Variants in DGKI observed in about 807,000 individuals in gnomAD.
DGKI encodes the protein DAG kinase iota.
A neutral mutation model predicts 147.5 loss-of-function variants in DGKI; 55 were observed. That is an observed-to-expected ratio of 0.37 (90% confidence interval 0.30 to 0.47). The LOEUF (loss-of-function observed/expected upper bound fraction) is 0.47, where lower values mean the gene tolerates loss of function less well. Ranked by LOEUF, DGKI falls within the 20% of genes least tolerant of loss-of-function variation. The pLI is 1.00. For synonymous variants in DGKI, 469 were observed against 477.1 expected, an observed-to-expected ratio of 0.98 and a Z score of 0.22; for missense variants, 1,007 against 1,323.8, an observed-to-expected ratio of 0.76 and a Z score of 3.71.
At chr7:137,694,227 AAG>A (rs1400240291) in intron 1 of DGKI, among the ~76,000 whole-genome samples, 3 of 152,030 alleles carry the variant, frequency 2.0e-5, no homozygotes, top group East Asian at 1.9e-4. Flanking sequence ...AGGCTGAGGA[AAG>A]AGAATGGCAT....
chr7:137,773,113 T>C lies in DGKI; in HGVS notation c.401+73349A>G, dbSNP rs141620546. Among the ~76,000 whole-genome samples the C allele has an allele frequency of 1.3e-3, 191 of 152,350 alleles. 2 individuals carry two copies. The East Asian group carries it at 0.03, about 24-fold the overall frequency. ...ATTACATTATACCACATTTTACTTC[T>C]ACAAACTGTGTACCAAAGCAGCTCC... On this transcript the variant is annotated intron_variant, in intron 1 of 32. Coordinates refer to ENST00000614521, the MANE Select transcript of DGKI (RefSeq NM_001321708.2).
At chr7:137,432,105 G>A (rs921802902) in intron 28 of DGKI, among the ~76,000 whole-genome samples, 4 of 152,208 alleles carry the variant, frequency 2.6e-5, no homozygotes, top group African/African-American at 9.6e-5. Context: ...CATGTAGGAT[G>A]TGCCTGCTTC....
intron 25 of DGKI, among the ~76,000 whole-genome samples, chr7:137,466,637 G>A (rs1814672801): frequency 6.6e-6 from 1 of 152,158 alleles, no homozygotes; most frequent in Non-Finnish European, 1.5e-5. Flanking sequence ...CTTTGTGAAT[G>A]AAAATTTGGA....
intron 19 of DGKI, among the ~76,000 whole-genome samples, chr7:137,554,914 CTTT>C (rs757320303): frequency 3.7e-5 from 4 of 107,430 alleles, no homozygotes; most frequent in African/African-American, 3.9e-5. Flanking sequence ...AAACTATTTT[CTTT>C]TTTTTTTTTT....
At chr7:137,469,476 C>T (rs1235927531) in intron 24 of DGKI, 74 bp downstream of exon 24, 3 of 1,466,572 alleles carry the variant, frequency 2.0e-6, no homozygotes, top group Non-Finnish European at 2.9e-6. Flanking sequence ...AAACTAGAGC[C>T]CACCCTATCA....
At chr7:137,526,789 C>T (rs576975108) in intron 20 of DGKI, among the ~76,000 whole-genome samples, 138 of 152,212 alleles carry the variant, frequency 9.1e-4, no homozygotes, top group Middle Eastern at 6.8e-3. Flanking sequence ...CCATCAGAGT[C>T]GTATTCCTCC....
chr7:137,623,634 C>T (rs532245965), intron 6 of DGKI, 80 bp from the exon 7 acceptor site: 132 of 1,271,676 alleles, frequency 1.0e-4, no homozygotes, highest in African/African-American at 4.4e-5. Context: ...AGTGCAATGA[C>T]GTGAATAAGG....
intron 1 of DGKI, among the ~76,000 whole-genome samples, chr7:137,763,717 T>G (rs188489240): frequency 6.6e-6 from 1 of 152,368 alleles, no homozygotes; most frequent in African/African-American, 2.4e-5. Flanking sequence ...GTATCTAGAA[T>G]GTAATTCATC....
At chr7:137,607,552 T>C (rs1482043008) in intron 10 of DGKI, among the ~76,000 whole-genome samples, 1 of 152,212 alleles carries the variant, frequency 6.6e-6, no homozygotes, top group African/African-American at 2.4e-5. Context: ...AGAGAGCTTA[T>C]AATGATTTAA....
chr7:137,612,118 G>C (rs1323617304), intron 8 of DGKI, among the ~76,000 whole-genome samples: 1 of 152,066 alleles, frequency 6.6e-6, no homozygotes, highest in African/African-American at 2.4e-5. Flanking sequence ...AAGCACGTAT[G>C]GGGAGCACAG....
At chr7:137,714,535 C>A (rs527326893) in intron 1 of DGKI, among the ~76,000 whole-genome samples, 2 of 152,228 alleles carry the variant, frequency 1.3e-5, no homozygotes, top group African/African-American at 4.8e-5. Context: ...AGAGAGAGGG[C>A]AGGAAGCTAT....
intron 1 of DGKI, among the ~76,000 whole-genome samples, chr7:137,725,223 G>A (rs899906612): frequency 1.3e-5 from 2 of 152,032 alleles, no homozygotes; most frequent in African/African-American, 4.8e-5. Context: ...TGCATTTTGA[G>A]TATCAAAATG....
At chr7:137,407,501 G>A (rs1225636230) in intron 30 of DGKI, among the ~76,000 whole-genome samples, 3 of 152,040 alleles carry the variant, frequency 2.0e-5, no homozygotes, top group South Asian at 2.1e-4. Flanking sequence ...ACGATGAACC[G>A]CAAATACAGG....
At chr7:137,502,747 A>G (rs972201922) in intron 21 of DGKI, among the ~76,000 whole-genome samples, 1 of 152,152 alleles carries the variant, frequency 6.6e-6, no homozygotes, top group African/African-American at 2.4e-5. Context: ...AAAACGGAAC[A>G]CCAGCTTTCA....
intron 28 of DGKI, among the ~76,000 whole-genome samples, chr7:137,421,670 T>G (rs1263752976): frequency 1.3e-5 from 2 of 152,246 alleles, no homozygotes; most frequent in African/African-American, 4.8e-5. Context: ...TCTGTTGTTG[T>G]GAAATTGTTT....
At chr7:137,424,382 T>A (rs990036086) in intron 28 of DGKI, among the ~76,000 whole-genome samples, 33 of 152,186 alleles carry the variant, frequency 2.2e-4, no homozygotes, top group Non-Finnish European at 1.2e-4. Context: ...AATTCATATA[T>A]TCTTAAGAAA....
At chr7:137,673,366 G>T (rs929134431) in intron 3 of DGKI, among the ~76,000 whole-genome samples, 1 of 152,146 alleles carries the variant, frequency 6.6e-6, no homozygotes, top group African/African-American at 2.4e-5. Context: ...ACAGTGAAGA[G>T]AATCATCTGT....
At chr7:137,632,666 G>T (rs933031526) in intron 6 of DGKI, among the ~76,000 whole-genome samples, 15 of 151,812 alleles carry the variant, frequency 9.9e-5, no homozygotes, top group Non-Finnish European at 2.1e-4. Flanking sequence ...AGACCATCCT[G>T]GCCAACATGG....
intron 1 of DGKI, among the ~76,000 whole-genome samples, chr7:137,730,583 T>G (rs1258628635): frequency 2.0e-5 from 3 of 152,096 alleles, no homozygotes; most frequent in Admixed American, 6.6e-5. Flanking sequence ...TCTCCCTCAT[T>G]TTTGAAACGT....
Sources: gnomAD v4.1 joint callset for allele counts (sites outside exome capture counted in the v4.1 genomes callset) on GRCh38, gnomAD v4.1.1 for gene constraint, MANE v1.5 for transcripts, NCBI Gene and HGNC (gene_info 2026-07-23, HGNC 2026-07-21) for gene names.